LUC7L3: variants seen among roughly 807,000 people sequenced by gnomAD.
LUC7L3 encodes luc7-like protein 3.
In LUC7L3, 6 loss-of-function variants were observed where a neutral mutation model predicts 66.8. That is an observed-to-expected ratio of 0.09 (90% CI 0.05 to 0.18). LUC7L3 has a LOEUF of 0.18. Ranked by LOEUF, LUC7L3 falls within the 10% of genes least tolerant of loss-of-function variation. LUC7L3 has a pLI of 1.00. For missense variants in LUC7L3, 341 were observed against 531.1 expected, an observed-to-expected ratio of 0.64 and a Z score of 3.52; for synonymous variants, 160 against 174.7, an observed-to-expected ratio of 0.92 and a Z score of 0.66.
At chr17:50,726,602 A>G (rs1413755609) in intron 1 of LUC7L3, among the ~76,000 whole-genome samples, 1 of 152,048 alleles carries the variant, frequency 6.6e-6, no homozygotes, top group Non-Finnish European at 1.5e-5. Flanking sequence ...GATATGTACG[A>G]TAGACTGAGA....
intron 1 of LUC7L3, chr17:50,736,755 A>T (rs1057492346): frequency 2.8e-5 from 14 of 496,750 alleles, no homozygotes; most frequent in Non-Finnish European, 4.6e-5. Context: ...AATACTAGTA[A>T]TACGAGTACT....
At chr17:50,740,042 T>C (rs1409925382) in intron 2 of LUC7L3, among the ~76,000 whole-genome samples, 1 of 152,134 alleles carries the variant, frequency 6.6e-6, no homozygotes, top group Non-Finnish European at 1.5e-5. Context: ...CTTCCCTCCT[T>C]TTCTCCCTCC....
At chr17:50,740,548 T>A (rs568145317) in intron 3 of LUC7L3, among the ~76,000 whole-genome samples, 36 of 152,164 alleles carry the variant, frequency 2.4e-4, no homozygotes, top group African/African-American at 6.8e-4. Context: ...GTCAGACTTT[T>A]TTTTTCTGTA....
At chr17:50,736,738 TAAAG>T (rs1459445284) in intron 1 of LUC7L3, 35 of 451,186 alleles carry the variant, frequency 7.8e-5, no homozygotes, top group African/African-American at 1.0e-4. Flanking sequence ...TAAAAATAGA[TAAAG>T]AAAATACTAG....
intron 4 of LUC7L3, 53 bp downstream of exon 4, chr17:50,741,299 A>G (rs879880859): frequency 2.1e-5 from 33 of 1,548,202 alleles, no homozygotes; most frequent in Non-Finnish European, 2.8e-5. Context: ...CTGGAGATTC[A>G]GAGACCTCCC....
chr17:50,741,690 A>G lies in LUC7L3; in HGVS notation c.385A>G (p.Ile129Val), dbSNP rs368361780. The G allele has an allele frequency of 1.1e-5, 17 of 1,613,950 alleles. No individual in the cohort carries two copies. Among genetic ancestry groups the G allele is most frequent in the Non-Finnish European group, 1.3e-5 (15 of 1,179,944 alleles). The change falls in exon 5 of 10, where the codon ATT becomes GTT. Residue 129 changes from isoleucine (I) to valine (V), a missense_variant. Coordinates refer to ENST00000505658, the MANE Select transcript of LUC7L3 (RefSeq NM_016424.5). ...AGPTGKNEEK[I>V]QVLTDKIDVL... ...CCCAACAGGCAAAAATGAAGAAAAA[A>G]TTCAGGTTCTAACAGACAAAATTGA...
At chr17:50,746,746 C>A (rs1970691774) in intron 9 of LUC7L3, 44 bp downstream of exon 9, 3 of 1,534,262 alleles carry the variant, frequency 2.0e-6, no homozygotes, top group South Asian at 2.4e-5. Context: ...ACTTTTCACA[C>A]CCTAATCGCC....
intron 1 of LUC7L3, chr17:50,736,718 A>T: frequency 7.5e-6 from 3 of 402,182 alleles, no homozygotes; most frequent in South Asian, 7.2e-5. Context: ...GGGGGTCAGC[A>T]GGTGATGATT....
rs1250802325 is a variant in LUC7L3 at position 50,753,122 on chromosome 17, A to AC, written c.*2461_*2462insC. 2 of 152,096 alleles carry AC rather than the reference A, an allele frequency of 1.3e-5. No individual in the cohort carries two copies. The highest frequency in any genetic ancestry group is 4.8e-5 in the African/African-American group (2 of 41,406). 9.4% of individuals were successfully genotyped at this position (152,096 alleles called of 1,614,324 possible). A position where few individuals can be genotyped will look rare whatever the true frequency, so the allele number is the denominator to read the frequency against. ...GGCAAGGGTTTTTTCCCCCCACTTA[A>AC]GTGATTATTTTTGTGTCACATCTAG... On this transcript the variant is annotated 3_prime_UTR_variant, in exon 10 of 10. Transcript: ENST00000505658.
chr17:50,750,906 G>T lies in LUC7L3; in HGVS notation c.*245G>T. 6.5e-7 allele frequency: 1 copy of T among 1,535,262 alleles called. No individual in the cohort carries two copies. The highest frequency in any genetic ancestry group is 1.4e-5 in the African/African-American group (1 of 73,032). ...AGCAGACTCGTGCCCCCATTAGTGT[G>T]CCTCTTTGGAAATTATCGCCCACAT... On this transcript the variant is annotated 3_prime_UTR_variant, in exon 10 of 10. Coordinates refer to ENST00000505658, the MANE Select transcript of LUC7L3 (RefSeq NM_016424.5).
chr17:50,748,004 T>A (rs1567878462), intron 9 of LUC7L3, among the ~76,000 whole-genome samples: 1 of 152,250 alleles, frequency 6.6e-6, no homozygotes, highest in Non-Finnish European at 1.5e-5. Flanking sequence ...GGTCAACTCT[T>A]AAGAGCCAGG....
Position 50,754,665 on chromosome 17 carries a change from A to G in LUC7L3, c.*4004A>G, listed in dbSNP as rs544247694. 1.3e-5 allele frequency: 2 copies of G among 152,090 alleles called. No homozygotes were observed. The highest frequency in any genetic ancestry group is 2.9e-5 in the Non-Finnish European group (2 of 68,010). 9.4% of individuals were successfully genotyped at this position (152,090 alleles called of 1,614,324 possible). A position where few individuals can be genotyped will look rare whatever the true frequency, so the allele number is the denominator to read the frequency against. ...TAAAACGTTTTTTTTTCCCCTTCAA[A>G]CACAGTCCATTCATTTTTCAGTTTG... is the stretch of plus-strand genomic sequence containing the variant. On this transcript the variant is annotated 3_prime_UTR_variant, in exon 10 of 10. Transcript: ENST00000505658.
intron 2 of LUC7L3, chr17:50,737,545 C>G (rs1970056383): frequency 1.3e-5 from 3 of 236,260 alleles, no homozygotes; most frequent in African/African-American, 4.6e-5. Context: ...TAGTCTAGTT[C>G]AGGGTTTCTC....
chr17:50,746,008 A>C lies in LUC7L3; in HGVS notation c.977+5A>C. 6.3e-7 allele frequency: 1 copy of C among 1,591,980 alleles called. No individual in the cohort carries two copies. Among genetic ancestry groups the C allele is most frequent in the Non-Finnish European group, 8.5e-7 (1 of 1,173,976 alleles). On this transcript the variant is annotated splice_donor_5th_base_variant and intron_variant, in intron 8 of 9. Transcript: ENST00000505658. ...TAGAGAAAGAAGGCGGAGCAGGTAT[A>C]TATAAAACACCCTAAGACTGTCCAG...
intron 3 of LUC7L3, among the ~76,000 whole-genome samples, chr17:50,740,735 T>A (rs1316296272): frequency 6.6e-6 from 1 of 152,190 alleles, no homozygotes; most frequent in Admixed American, 6.5e-5. Context: ...ATATTTTGTA[T>A]TTTTAGTAGA....
chr17:50,721,014 A>G (rs553316698), intron 1 of LUC7L3, among the ~76,000 whole-genome samples: 3 of 151,644 alleles, frequency 2.0e-5, no homozygotes, highest in Admixed American at 1.3e-4. Context: ...CCCCCCGACC[A>G]TTTGTCACAA....
chr17:50,724,989 GACA>G (rs528586923), intron 1 of LUC7L3, among the ~76,000 whole-genome samples: 111 of 152,184 alleles, frequency 7.3e-4, no homozygotes, highest in Non-Finnish European at 1.4e-3. Context: ...TTGAACTTTT[GACA>G]ACAAGTGATC....
At chr17:50,722,221 G>T (rs577062297) in intron 1 of LUC7L3, 7 of 59,500 alleles carry the variant, frequency 1.2e-4, no homozygotes, top group African/African-American at 5.4e-4. Flanking sequence ...TTTTTGAGAC[G>T]GCGTCTTGCT....
In LUC7L3 at chr17:50,746,001, C is replaced by T. The variant is rs1330044431; in HGVS notation, c.975C>T (p.Ser325=). ...CACGAAGTAGAGAAAGAAGGCGGAG[C>T]AGGTATATATAAAACACCCTAAGAC... ...KRSRSRERRR[S]RSRDRRRSRS... The change falls in exon 8 of 10, where the codon AGC becomes AGT. Residue 325 remains serine (S), a splice_region_variant and synonymous_variant. Transcript: ENST00000505658. The T allele has an allele frequency of 6.3e-7, 1 of 1,597,146 alleles. No homozygotes were observed. The highest frequency in any genetic ancestry group is 1.8e-5 in the Admixed American group (1 of 55,164).
Sources: allele counts gnomAD v4.1 joint callset (sites outside exome capture counted in the v4.1 genomes callset), GRCh38; gene constraint gnomAD v4.1.1; transcripts MANE v1.5; gene names NCBI Gene and HGNC (gene_info 2026-07-23, HGNC 2026-07-21).